ACSL4: variants seen among roughly 807,000 people sequenced by gnomAD.
ACSL4 encodes the protein long-chain-fatty-acid--CoA ligase 4.
A neutral mutation model predicts 49.1 loss-of-function variants in ACSL4; 9 were observed. The ratio of observed to expected loss-of-function variants is 0.18; its 90% CI spans 0.11 to 0.32. ACSL4 has a LOEUF of 0.32. ACSL4 is among the 10% of genes least tolerant of loss of function. The pLI is 1.00. For missense variants in ACSL4, 333 were observed against 493.7 expected, an observed-to-expected ratio of 0.67 and a Z score of 3.08; for synonymous variants, 191 against 170.3, an observed-to-expected ratio of 1.12 and a Z score of -0.95.
At chrX:109,720,126 C>T (rs999248969) in intron 1 of ACSL4, among the ~76,000 whole-genome samples, 23 of 110,976 alleles carry the variant, frequency 2.1e-4, no homozygotes, top group African/African-American at 7.2e-4. Flanking sequence ...TTGTGACCAG[C>T]CTGGCCAACA....
chrX:109,728,207 T>C (rs1228032911), intron 1 of ACSL4, among the ~76,000 whole-genome samples: 1 of 112,499 alleles, frequency 8.9e-6, no homozygotes, highest in Non-Finnish European at 1.9e-5. Context: ...GTCATGTAGC[T>C]GCTATAAAAG....
chrX:109,668,086 A>T lies in ACSL4; in HGVS notation c.1315+15T>A. ...GCAGCTGATACAGAATATTTACCAC[A>T]TTAATAATGCTTACCTTCAGTAACT... is the stretch of plus-strand genomic sequence containing the variant. On this transcript the variant is annotated intron_variant, in intron 11 of 15. Coordinates refer to ENST00000672401, the MANE Select transcript of ACSL4 (RefSeq NM_001318510.2). 8.5e-7 allele frequency: 1 copy of T among 1,175,532 alleles called. No individual in the cohort carries two copies. Among genetic ancestry groups the T allele is most frequent in the Non-Finnish European group, 1.2e-6 (1 of 864,346 alleles).
chrX:109,647,567 A>T (rs1279346855), intron 15 of ACSL4, among the ~76,000 whole-genome samples: 1 of 112,061 alleles, frequency 8.9e-6, no homozygotes, highest in East Asian at 2.8e-4. Flanking sequence ...CACAAGAGAA[A>T]GCAGGAAAGA....
chrX:109,724,385 C>T (rs1446001469), intron 1 of ACSL4, among the ~76,000 whole-genome samples: 1 of 111,505 alleles, frequency 9.0e-6, no homozygotes, highest in Non-Finnish European at 1.9e-5. Context: ...AGCTATCCTC[C>T]TGCCACAGCC....
intron 1 of ACSL4, among the ~76,000 whole-genome samples, chrX:109,703,918 T>TA (rs1323960577): frequency 1.2e-3 from 127 of 102,917 alleles, no homozygotes; most frequent in Non-Finnish European, 1.8e-3. Flanking sequence ...CCATCTCAAA[T>TA]AAAAAAAAAA....
intron 1 of ACSL4, among the ~76,000 whole-genome samples, chrX:109,727,379 G>A (rs1928082520): frequency 1.8e-5 from 2 of 111,567 alleles, no homozygotes; most frequent in Non-Finnish European, 3.8e-5. Context: ...TCTTATTACC[G>A]CTACAGCTCA....
intron 8 of ACSL4, among the ~76,000 whole-genome samples, chrX:109,677,762 CAG>C (rs765744126): frequency 9.2e-4 from 100 of 108,469 alleles, no homozygotes; most frequent in African/African-American, 3.1e-3. Flanking sequence ...GTCTGGGTGA[CAG>C]AGCAAAAGAA....
intron 2 of ACSL4, among the ~76,000 whole-genome samples, chrX:109,689,133 T>A (rs1197547230): frequency 9.0e-6 from 1 of 111,267 alleles, no homozygotes; most frequent in African/African-American, 3.3e-5. Flanking sequence ...AAACCTTAGA[T>A]TCACCCTTTT....
In ACSL4 at chrX:109,697,352, G is replaced by T. The variant is rs192752727; in HGVS notation, c.-65-1156C>A. Among the ~76,000 whole-genome samples the T allele has an allele frequency of 8.2e-3, 913 of 111,000 alleles. 10 individuals carry two copies. Among genetic ancestry groups the T allele is most frequent in the African/African-American group, 0.027 (813 of 30,599 alleles). ...AACCCTTCGAGTTTTTTGTTTTGTT[G>T]GTTTTTTTTAGTCTAGACGCCCCCA... On this transcript the variant is annotated intron_variant, in intron 1 of 15. Transcript: ENST00000672401.
At chrX:109,683,915 T>C (rs1408369958) in intron 2 of ACSL4, among the ~76,000 whole-genome samples, 1 of 111,833 alleles carries the variant, frequency 8.9e-6, no homozygotes, top group Admixed American at 9.5e-5. Flanking sequence ...TTTTTCTAGG[T>C]TTCTAGGTGT....
At chrX:109,726,571 A>G (rs1325013459) in intron 1 of ACSL4, among the ~76,000 whole-genome samples, 1 of 112,873 alleles carries the variant, frequency 8.9e-6, no homozygotes, top group Non-Finnish European at 1.9e-5. Context: ...TTCAGTGTAC[A>G]CTGTATTTTA....
intron 8 of ACSL4, among the ~76,000 whole-genome samples, chrX:109,677,634 A>G (rs1057144747): frequency 3.6e-5 from 4 of 109,973 alleles, no homozygotes; most frequent in Admixed American, 9.6e-5. Context: ...CAAAAAAAAT[A>G]GCAGGGCATG....
In ACSL4 at chrX:109,678,277, A is replaced by G; in HGVS notation, c.794T>C (p.Ile265Thr). ...AGAATTATCTTACCCCAGTCCAGGT[A>G]TTCTTTCACACTGGCCTGTCATTCC... ...IAGMTGQCER[I>T]PGLGPKDTYI... Residue 265 changes from isoleucine to threonine, a missense_variant, in exon 7 of 16, where the codon ATA (isoleucine) becomes ACA (threonine). By Grantham distance (89) the Ile-to-Thr change is moderately conservative (BLOSUM62 -1). This residue lies in a region of ACSL4 where 157 missense variants were observed against 201.1 expected (regional missense o/e 0.78). Coordinates refer to ENST00000672401, the MANE Select transcript of ACSL4 (RefSeq NM_001318510.2). The G allele has an allele frequency of 2.5e-6, 3 of 1,211,853 alleles. No homozygotes were observed. The highest frequency in any genetic ancestry group is 3.3e-6 in the Non-Finnish European group (3 of 895,527).
At chrX:109,687,781 AT>A (rs1476365011) in intron 2 of ACSL4, among the ~76,000 whole-genome samples, 1 of 112,169 alleles carries the variant, frequency 8.9e-6, no homozygotes, top group Non-Finnish European at 1.9e-5. Flanking sequence ...AATACTGCTT[AT>A]ATTACCTACT....
Position 109,641,952 on chromosome X carries a change from G to T in ACSL4, c.*2077C>A, listed in dbSNP as rs1396330440. 1 of 112,307 alleles carries T rather than the reference G, an allele frequency of 8.9e-6. No individual in the cohort carries two copies. Among genetic ancestry groups the T allele is most frequent in the Non-Finnish European group, 1.9e-5 (1 of 53,139 alleles). 9.3% of individuals were successfully genotyped at this position (112,307 alleles called of 1,213,427 possible). On this transcript the variant is annotated 3_prime_UTR_variant, in exon 16 of 16. Coordinates refer to ENST00000672401, the MANE Select transcript of ACSL4 (RefSeq NM_001318510.2). ...TGAAAAGTCACTATGGATATGGAAA[G>T]ATTTGTTTACATAAACATGTATATT...
chrX:109,648,406 A>G (rs1289817036), intron 15 of ACSL4, among the ~76,000 whole-genome samples: 4 of 112,102 alleles, frequency 3.6e-5, no homozygotes, highest in Non-Finnish European at 7.5e-5. Flanking sequence ...GTATATAAAC[A>G]GAACCAAAGA....
At position 109,681,123 on chromosome X, in the gene ACSL4, T is replaced by C. The variant is rs776534893; in HGVS notation, c.530A>G (p.Asp177Gly). The change falls in exon 6 of 16, where the codon GAT (aspartate) becomes GGT (glycine). Residue 177 changes from aspartate (D) to glycine (G), a missense_variant. Physicochemically the swap from Asp to Gly is moderately conservative, Grantham distance 94 (BLOSUM62 -1). This residue lies in a region of ACSL4 where 157 missense variants were observed against 201.1 expected (regional missense o/e 0.78). Transcript: ENST00000672401. Reference sequence around the variant, plus strand: ...AATGATATGTTTAACACAACTGATATCTAACAATGCAGTCTGTTGAGCAGA... The same window carrying C: ...AATGATATGTTTAACACAACTGATACCTAACAATGCAGTCTGTTGAGCAGA... ...LESKLKTALL[D>G]ISCVKHIIYV... 1 of 1,209,120 alleles carries C rather than the reference T, an allele frequency of 8.3e-7. No individual in the cohort carries two copies. Among genetic ancestry groups the C allele is most frequent in the African/African-American group, 1.8e-5 (1 of 56,943 alleles).
intron 2 of ACSL4, chrX:109,683,701 G>A: frequency 2.0e-5 from 7 of 342,962 alleles, no homozygotes; most frequent in South Asian, 8.1e-5. Context: ...GCAGAGAGCA[G>A]GAAAAATAAA....
At chrX:109,715,937 TTC>T (rs1302579211) in intron 1 of ACSL4, among the ~76,000 whole-genome samples, 5 of 112,470 alleles carry the variant, frequency 4.4e-5, no homozygotes, top group Non-Finnish European at 9.4e-5. Context: ...AAATGGTTAA[TTC>T]TAATTTTATT....
Sources: allele counts gnomAD v4.1 joint callset (sites outside exome capture counted in the v4.1 genomes callset), GRCh38; gene constraint gnomAD v4.1.1; regional missense constraint gnomAD v4.1.1; transcripts MANE v1.5; gene names NCBI Gene and HGNC (gene_info 2026-07-23, HGNC 2026-07-21).